Variants in MTUS2 observed in about 807,000 individuals in gnomAD.
MTUS2 encodes microtubule associated scaffold protein 2, also known as microtubule-associated tumor suppressor candidate 2.
A neutral mutation model predicts 114.1 loss-of-function variants in MTUS2; 40 were observed. The observed-to-expected ratio is 0.35, with a 90% CI of 0.27 to 0.46. MTUS2 has a LOEUF of 0.46. MTUS2 is among the 20% of genes least tolerant of loss of function. MTUS2 has a pLI of 1.00. For missense variants in MTUS2, 1,679 were observed against 1,705.4 expected, an observed-to-expected ratio of 0.98 and a Z score of 0.27; for synonymous variants, 688 against 672.0, an observed-to-expected ratio of 1.02 and a Z score of -0.37.
chr13:29,084,207 C>A (rs7323830), intron 4 of MTUS2, among the ~76,000 whole-genome samples: 27,448 of 152,032 alleles, frequency 0.18, 2,862 homozygotes, highest in Non-Finnish European at 0.24. Context: ...GTACAAAAGC[C>A]AGTTAGTGCC....
chr13:29,401,564 A>T (rs1874352616), intron 8 of MTUS2, among the ~76,000 whole-genome samples: 1 of 152,166 alleles, frequency 6.6e-6, no homozygotes, highest in Non-Finnish European at 1.5e-5. Flanking sequence ...TTTTTTCCCC[A>T]TATAAGTAGG....
chr13:28,844,590 A>AGTGTGTGTGTGT (rs60819520), intron 2 of MTUS2, among the ~76,000 whole-genome samples: 53,620 of 147,926 alleles, frequency 0.36, 10,817 homozygotes, highest in Middle Eastern at 0.5. Context: ...TTTGTGTGTG[A>AGTGTGTGTGTGT]GTGTGTGTGT....
At chr13:29,268,415 C>G (rs1182611449) in intron 5 of MTUS2, among the ~76,000 whole-genome samples, 3 of 152,168 alleles carry the variant, frequency 2.0e-5, no homozygotes, top group East Asian at 3.9e-4. Context: ...CCGTTTTACT[C>G]TGTGTGTGTG....
chr13:29,303,709 A>G (rs1004331603), intron 6 of MTUS2, among the ~76,000 whole-genome samples: 3 of 152,226 alleles, frequency 2.0e-5, no homozygotes, highest in Admixed American at 6.5e-5. Flanking sequence ...GTTGGAAAAC[A>G]TACTGCAGGA....
chr13:29,388,424 T>C (rs1236455004), intron 8 of MTUS2, among the ~76,000 whole-genome samples: 1 of 151,146 alleles, frequency 6.6e-6, no homozygotes, highest in Non-Finnish European at 1.5e-5. Context: ...AGCATCTAGT[T>C]GCCCTCATTT....
intron 2 of MTUS2, among the ~76,000 whole-genome samples, chr13:28,870,121 C>T (rs73454650): frequency 0.067 from 10,195 of 152,134 alleles, 1,116 homozygotes; most frequent in African/African-American, 0.23. Flanking sequence ...TTCCTTTATA[C>T]TGGGAACACT....
intron 8 of MTUS2, among the ~76,000 whole-genome samples, chr13:29,365,830 C>T (rs1346423660): frequency 1.3e-5 from 2 of 152,222 alleles, no homozygotes; most frequent in Admixed American, 6.5e-5. Context: ...TTAAATGTCA[C>T]TGGCGACTTA....
At chr13:29,072,724 A>G (rs1888999248) in intron 4 of MTUS2, among the ~76,000 whole-genome samples, 1 of 152,224 alleles carries the variant, frequency 6.6e-6, no homozygotes, top group South Asian at 2.1e-4. Flanking sequence ...AATCACTGTT[A>G]TGAAGGATCC....
rs568901065 is a variant in MTUS2, at chr13:29,466,892, A to G, written c.3185-13258A>G. ...ACCTCATCTCAAAAAAAAAAAAAAA[A>G]AAAAGAAAAGAAAGAAAGAGAGGTG... is the stretch of plus-strand genomic sequence containing the variant. On this transcript the variant is annotated intron_variant, in intron 9 of 15. Transcript: ENST00000612955. Among the ~76,000 whole-genome samples, 238 of 151,890 alleles carry G rather than the reference A, an allele frequency of 1.6e-3. 1 individual carries two copies. The highest frequency in any genetic ancestry group is 5.2e-3 in the African/African-American group (216 of 41,458).
At chr13:29,389,032 G>C (rs913743324) in intron 8 of MTUS2, among the ~76,000 whole-genome samples, 5 of 152,010 alleles carry the variant, frequency 3.3e-5, no homozygotes, top group Non-Finnish European at 7.4e-5. Context: ...CCTCATAGCA[G>C]TGATAATCTG....
chr13:28,968,764 T>C (rs1883716570), intron 2 of MTUS2, among the ~76,000 whole-genome samples: 1 of 152,218 alleles, frequency 6.6e-6, no homozygotes, highest in Non-Finnish European at 1.5e-5. Flanking sequence ...CTTTTTAAAC[T>C]TTGTCTTTTC....
chr13:29,463,117 T>A (rs1879628194), intron 9 of MTUS2, among the ~76,000 whole-genome samples: 1 of 152,178 alleles, frequency 6.6e-6, no homozygotes, highest in Non-Finnish European at 1.5e-5. Context: ...TTGCAGATTC[T>A]GCACTGTTGG....
At chr13:28,859,810 G>A (rs966716208) in intron 2 of MTUS2, among the ~76,000 whole-genome samples, 58 of 152,254 alleles carry the variant, frequency 3.8e-4, no homozygotes, top group African/African-American at 1.3e-3. Flanking sequence ...GTTTGTGAGG[G>A]ATGACCAGGA....
intron 8 of MTUS2, among the ~76,000 whole-genome samples, chr13:29,429,292 G>C (rs973679781): frequency 1.3e-5 from 2 of 152,140 alleles, no homozygotes; most frequent in African/African-American, 4.8e-5. Flanking sequence ...GTTTTTCTTC[G>C]CCAAGTGCTA....
At chr13:29,234,221 CTAT>C (rs1690348042) in intron 5 of MTUS2, among the ~76,000 whole-genome samples, 1 of 152,118 alleles carries the variant, frequency 6.6e-6, no homozygotes, top group African/African-American at 2.4e-5. Flanking sequence ...TGAGCACCTA[CTAT>C]ATTCTGTGCA....
intron 5 of MTUS2, among the ~76,000 whole-genome samples, chr13:29,275,277 A>G (rs1202422820): frequency 2.6e-5 from 4 of 152,230 alleles, no homozygotes; most frequent in African/African-American, 9.6e-5. Context: ...TTTATGGGTT[A>G]CATGAGATAT....
In MTUS2 at chr13:28,842,723, A is replaced by G. The variant is rs553924263; in HGVS notation, c.-243+2873A>G. On this transcript the variant is annotated intron_variant, in intron 2 of 15. Coordinates refer to ENST00000612955, the MANE Select transcript of MTUS2 (RefSeq NM_001033602.4). ...GAGATTTAGGATAGCATAGCTTTTGAAAAAGGGGAGTTAGTGGGTTTTCCT... is the reference window on the plus strand; with the variant it reads ...GAGATTTAGGATAGCATAGCTTTTGGAAAAGGGGAGTTAGTGGGTTTTCCT... Among the ~76,000 whole-genome samples, 3 of 152,320 alleles carry G rather than the reference A, an allele frequency of 2.0e-5. No homozygotes were observed. In the East Asian group the frequency reaches 5.8e-4, roughly 29 times the overall value.
chr13:29,194,106 A>G (rs1894567318), intron 5 of MTUS2, among the ~76,000 whole-genome samples: 1 of 150,786 alleles, frequency 6.6e-6, no homozygotes, highest in South Asian at 2.1e-4. Context: ...AGATGGATTA[A>G]AGACTTAAAC....
rs951688241 is a variant in MTUS2 at position 29,002,329 on chromosome 13, G to A, written c.-242-22128G>A. Among the ~76,000 whole-genome samples the A allele has an allele frequency of 5.9e-5, 9 of 152,322 alleles. No homozygotes were observed. In the East Asian group the frequency reaches 1.7e-3, roughly 29 times the overall value. On this transcript the variant is annotated intron_variant, in intron 2 of 15. Coordinates refer to ENST00000612955, the MANE Select transcript of MTUS2 (RefSeq NM_001033602.4). Reference sequence around the variant, plus strand: ...GAACAGTTTTTAGAAGGTAGGCTAAGTGGATTTCCCAAAATGTACAGTATA... The same window carrying A: ...GAACAGTTTTTAGAAGGTAGGCTAAATGGATTTCCCAAAATGTACAGTATA...
Sources: allele counts gnomAD v4.1 joint callset (sites outside exome capture counted in the v4.1 genomes callset), GRCh38; gene constraint gnomAD v4.1.1; transcripts MANE v1.5; gene names NCBI Gene and HGNC (gene_info 2026-07-23, HGNC 2026-07-21).